Variants in PRKDC observed in about 807,000 individuals in gnomAD.
The protein encoded by PRKDC is protein kinase, DNA-activated, catalytic subunit.
In PRKDC, 82 loss-of-function variants were observed where a neutral mutation model predicts 486.9. The ratio of observed to expected loss-of-function variants is 0.17; its 90% CI spans 0.14 to 0.20. The LOEUF is 0.20. PRKDC is among the 10% of genes least tolerant of loss of function. The pLI, the probability that PRKDC is intolerant of heterozygous loss-of-function variation, is 1.00. For missense variants in PRKDC, 4,504 were observed against 5,038.2 expected, an observed-to-expected ratio of 0.89 and a Z score of 3.21; for synonymous variants, 1,895 against 1,837.0, an observed-to-expected ratio of 1.03 and a Z score of -0.81.
intron 10 of PRKDC, among the ~76,000 whole-genome samples, chr8:47,941,314 G>A (rs2090441646): frequency 6.6e-6 from 1 of 152,156 alleles, no homozygotes; most frequent in African/African-American, 2.4e-5. Flanking sequence ...GGGAAAGAGG[G>A]TGCCTCTCCT....
chr8:47,862,357 C>A lies in PRKDC; in HGVS notation c.5919+16G>T. On this transcript the variant is annotated intron_variant, in intron 43 of 85. Transcript: ENST00000314191. The stretch of plus-strand genomic sequence containing the variant: ...CTCCTACAATAACAATAGTGCACAC[C>A]GTAGGAGTGGCCTACCTTTTCTGGT... 1 of 1,607,960 alleles carries A rather than the reference C, an allele frequency of 6.2e-7. No homozygotes were observed.
chr8:47,774,008 AT>A lies in PRKDC; in HGVS notation c.*164del. 4.5e-6 allele frequency: 3 copies of A among 668,472 alleles called. No individual in the cohort carries two copies. The highest frequency in any genetic ancestry group is 7.4e-6 in the Non-Finnish European group (3 of 405,790). The allele number at this position is 668,472 out of a possible 1,614,324, so 41.4% of individuals were successfully genotyped here. The stretch of plus-strand genomic sequence containing the variant: ...CTTATCTTTGATTTAACCCATACAC[AT>A]TTACTCATCATAATCTTGATTTAAA... On this transcript the variant is annotated 3_prime_UTR_variant, in exon 86 of 86. Transcript: ENST00000314191.
rs1411892211 is a variant in PRKDC, at chr8:47,858,975, G to A, written c.6219C>T (p.Asp2073=). The change falls in exon 47 of 86, where the codon GAC becomes GAT. Residue 2073 remains aspartate (D), a synonymous_variant. Transcript: ENST00000314191. The stretch of plus-strand genomic sequence containing the variant: ...CCAGCACATCATCATGCACCGTGGG[G>A]TCCCGCTGCTCCTGCGAAAGGGAGG... ...TGRFRRREQR[D]PTVHDDVLEL... The A allele has an allele frequency of 9.3e-6, 15 of 1,612,954 alleles. No individual in the cohort carries two copies. Among genetic ancestry groups the A allele is most frequent in the South Asian group, 2.2e-5 (2 of 91,076 alleles).
intron 12 of PRKDC, 103 bp downstream of exon 12, chr8:47,936,250 G>T: frequency 7.8e-7 from 1 of 1,290,304 alleles, no homozygotes; most frequent in Non-Finnish European, 1.1e-6. Flanking sequence ...CTGTCATGTT[G>T]TTCCCAACAG....
rs1324400432 is a variant in PRKDC, at chr8:47,930,049, G to A, written c.1893-37C>T. 3.9e-6 allele frequency: 6 copies of A among 1,551,852 alleles called. No individual in the cohort carries two copies. The African/African-American group carries it at 5.5e-5, about 14-fold the overall frequency. ...AATTAGAAATTGAAGGTAGAAATTT[G>A]TATCATTCTGATCTTAAAATTGTAA... On this transcript the variant is annotated intron_variant, in intron 17 of 85. Transcript: ENST00000314191.
chr8:47,951,564 A>C (rs2090625233), intron 7 of PRKDC, among the ~76,000 whole-genome samples: 1 of 151,852 alleles, frequency 6.6e-6, no homozygotes, highest in Admixed American at 6.6e-5. Context: ...TCTCTACAAA[A>C]CATTTTTTAA....
At chr8:47,807,765 G>C (rs2087247276) in intron 68 of PRKDC, among the ~76,000 whole-genome samples, 1 of 151,572 alleles carries the variant, frequency 6.6e-6, no homozygotes, top group Admixed American at 6.6e-5. Flanking sequence ...GCCCAGGATG[G>C]AGTGCAGTGG....
intron 85 of PRKDC, among the ~76,000 whole-genome samples, chr8:47,776,257 A>T (rs1321873154): frequency 6.6e-6 from 1 of 152,246 alleles, no homozygotes; most frequent in Non-Finnish European, 1.5e-5. Flanking sequence ...TGGAAAGGTC[A>T]CTGAATGGTC....
chr8:47,833,651 C>T (rs947474628), intron 59 of PRKDC, among the ~76,000 whole-genome samples: 4 of 152,140 alleles, frequency 2.6e-5, no homozygotes, highest in African/African-American at 7.2e-5. Context: ...TACACCCCCA[C>T]ACCCACAAGA....
At position 47,809,020 on chromosome 8, in the gene PRKDC, T is replaced by C. The variant is rs375843629; in HGVS notation, c.9558-1694A>G. Among the ~76,000 whole-genome samples, 581 of 147,940 alleles carry C rather than the reference T, an allele frequency of 3.9e-3. 4 individuals are homozygous for C. The highest frequency in any genetic ancestry group is 0.025 in the South Asian group (117 of 4,656). On this transcript the variant is annotated intron_variant, in intron 68 of 85. Coordinates refer to ENST00000314191, the MANE Select transcript of PRKDC (RefSeq NM_006904.7). The stretch of plus-strand genomic sequence containing the variant: ...GCCTGGGTGGCACAGCAAGACCCTG[T>C]GCGTGGAAGGAAAGAAAGAAAGGAA...
intron 9 of PRKDC, 101 bp from the exon 10 acceptor site, chr8:47,943,467 G>C: frequency 8.1e-7 from 1 of 1,234,296 alleles, no homozygotes; most frequent in Non-Finnish European, 1.1e-6. Context: ...ACTGTGCTCA[G>C]GAAGATCTAG....
chr8:47,855,702 G>A (rs1345094019), intron 49 of PRKDC, among the ~76,000 whole-genome samples: 2 of 152,200 alleles, frequency 1.3e-5, no homozygotes, highest in Non-Finnish European at 2.9e-5. Context: ...TGCAGGGCAG[G>A]GGAGCAGCAT....
chr8:47,948,098 G>GCACACA (rs141437463), intron 7 of PRKDC, among the ~76,000 whole-genome samples: 7,472 of 140,212 alleles, frequency 0.053, 391 homozygotes, highest in Admixed American at 0.15. Flanking sequence ...AAATATATTT[G>GCACACA]CACACACACA....
At chr8:47,859,184 G>C (rs1029742893) in intron 46 of PRKDC, among the ~76,000 whole-genome samples, 198 bp from the exon 47 acceptor site, 2 of 152,202 alleles carry the variant, frequency 1.3e-5, no homozygotes, top group Admixed American at 1.3e-4. Context: ...TGCATCCCAA[G>C]TACATAGTCC....
At chr8:47,882,477 CCCA>C (rs1258061314) in intron 36 of PRKDC, among the ~76,000 whole-genome samples, 13 of 151,434 alleles carry the variant, frequency 8.6e-5, no homozygotes, top group East Asian at 1.9e-4. Context: ...CACTTCCTAT[CCCA>C]CCACCACTGT....
At chr8:47,848,653 GAAAA>G (rs200253108) in intron 54 of PRKDC, among the ~76,000 whole-genome samples, 1 of 109,170 alleles carries the variant, frequency 9.2e-6, no homozygotes, top group African/African-American at 3.4e-5. Flanking sequence ...TGAAAAAAAT[GAAAA>G]AAAAAAAAAA....
At chr8:47,902,512 C>T (rs2089705638) in intron 27 of PRKDC, 57 bp downstream of exon 27, 2 of 1,264,716 alleles carry the variant, frequency 1.6e-6, no homozygotes, top group Non-Finnish European at 2.1e-6. Context: ...CAGAGTGAAA[C>T]TCCAAGTCAC....
chr8:47,904,962 C>T lies in PRKDC; in HGVS notation c.2949G>A (p.Leu983=). ...ACDVDQVTRQ[L]YEPLVMQLIH... ...TCAGCTGCATAACTAGTGGCTCATA[C>T]AGTTGCCTTGTCACCTGAAGAAACA... is the stretch of plus-strand genomic sequence containing the variant. Residue 983 remains leucine (L), a synonymous_variant, in exon 26 of 86, where the codon CTG becomes CTA. Transcript: ENST00000314191. 1 of 1,612,362 alleles carries T rather than the reference C, an allele frequency of 6.2e-7. No homozygotes were observed. Among genetic ancestry groups the T allele is most frequent in the Non-Finnish European group, 8.5e-7 (1 of 1,178,880 alleles).
At chr8:47,792,467 C>T (rs1382926973) in intron 74 of PRKDC, among the ~76,000 whole-genome samples, 2 of 151,988 alleles carry the variant, frequency 1.3e-5, no homozygotes, top group Non-Finnish European at 2.9e-5. Context: ...ACCGCATTAG[C>T]CAGGATGGTC....
Sources: allele counts gnomAD v4.1 joint callset (sites outside exome capture counted in the v4.1 genomes callset), GRCh38; gene constraint gnomAD v4.1.1; transcripts MANE v1.5; gene names NCBI Gene and HGNC (gene_info 2026-07-23, HGNC 2026-07-21).